The following IP6K1 variants were observed in gnomAD, a reference collection of about 807,000 sequenced individuals.
IP6K1 encodes inositol hexakisphosphate kinase 1, also known as ATP:1D-myo-inositol-hexakisphosphate phosphotransferase.
A neutral mutation model predicts 38.3 loss-of-function variants in IP6K1; 13 were observed. The observed-to-expected ratio is 0.34, with a 90% confidence interval of 0.22 to 0.54. IP6K1 has a LOEUF of 0.54. Among genes scored for constraint, IP6K1 ranks in the 20% least tolerant of loss-of-function variants. The probability of loss-of-function intolerance (pLI) is 0.92; values close to 1 mark genes in which losing one functional copy is unlikely to be tolerated. For missense variants in IP6K1, 397 were observed against 599.8 expected, an observed-to-expected ratio of 0.66 and a Z score of 3.53; for synonymous variants, 212 against 229.9, an observed-to-expected ratio of 0.92 and a Z score of 0.70.
rs2080633778 is a variant in IP6K1 at position 49,738,319 on chromosome 3, T to C, written c.327A>G (p.Glu109=). ...SETVEQDDTT[E]REQPRRKHSR... is the part of the protein sequence containing the mutation. ...AGTGTTTGCGCCGAGGTTGCTCCCG[T>C]TCTGTTGTGTCATCCTGTTCCACAG... Residue 109 remains glutamate, a synonymous_variant, in exon 3 of 6, where the codon GAA becomes GAG. Coordinates refer to ENST00000321599, the MANE Select transcript of IP6K1 (RefSeq NM_153273.4). 1 of 1,614,184 alleles carries C rather than the reference T, an allele frequency of 6.2e-7. No individual in the cohort carries two copies. Among genetic ancestry groups the C allele is most frequent in the Admixed American group, 1.7e-5 (1 of 60,022 alleles).
At chr3:49,782,042 A>G (rs1212778531) in intron 1 of IP6K1, among the ~76,000 whole-genome samples, 2 of 151,988 alleles carry the variant, frequency 1.3e-5, no homozygotes, top group East Asian at 3.9e-4. Context: ...GCAGTGAGCT[A>G]TGATCATGCC....
intron 1 of IP6K1, among the ~76,000 whole-genome samples, chr3:49,762,877 T>C (rs2080879030): frequency 1.3e-5 from 2 of 151,950 alleles, no homozygotes; most frequent in Admixed American, 1.3e-4. Flanking sequence ...GTTCAAGTGA[T>C]TCTCCTGCCT....
chr3:49,775,527 G>A (rs1385735613), intron 1 of IP6K1: 3 of 1,029,312 alleles, frequency 2.9e-6, no homozygotes, highest in African/African-American at 3.2e-5. Context: ...GAAGGATAGA[G>A]ATGGCTGCCC....
chr3:49,754,455 G>A (rs575979907), intron 1 of IP6K1, among the ~76,000 whole-genome samples: 6 of 152,146 alleles, frequency 3.9e-5, no homozygotes, highest in Non-Finnish European at 7.3e-5. Flanking sequence ...AGGCCAAGGT[G>A]GAAGGACTGC....
chr3:49,778,142 G>T (rs371270603), intron 1 of IP6K1, among the ~76,000 whole-genome samples: 33 of 151,568 alleles, frequency 2.2e-4, no homozygotes, highest in African/African-American at 7.7e-4. Context: ...TGGCCAACAT[G>T]GTGAAACCCC....
intron 2 of IP6K1, among the ~76,000 whole-genome samples, chr3:49,745,401 A>G (rs1460802494): frequency 1.3e-5 from 2 of 152,172 alleles, no homozygotes; most frequent in Non-Finnish European, 2.9e-5. Flanking sequence ...GATGTCCTAA[A>G]AACTGGTTCA....
intron 1 of IP6K1, among the ~76,000 whole-genome samples, chr3:49,766,663 TA>T (rs1184706154): frequency 1.5e-3 from 198 of 130,448 alleles, no homozygotes; most frequent in Admixed American, 1.4e-3. Context: ...GACCTCATCT[TA>T]AAAAAAAAAA....
intron 1 of IP6K1, among the ~76,000 whole-genome samples, chr3:49,760,830 A>G (rs1448636716): frequency 2.0e-5 from 3 of 152,140 alleles, no homozygotes; most frequent in Non-Finnish European, 4.4e-5. Context: ...ATGTGAAAAA[A>G]TCAATGCCAC....
intron 2 of IP6K1, among the ~76,000 whole-genome samples, chr3:49,747,481 T>C (rs1349200549): frequency 6.6e-6 from 1 of 152,122 alleles, no homozygotes; most frequent in Non-Finnish European, 1.5e-5. Context: ...CCTGGAAGTA[T>C]CCATTCCGCC....
intron 1 of IP6K1, among the ~76,000 whole-genome samples, chr3:49,760,312 C>T: frequency 6.6e-6 from 1 of 152,166 alleles, no homozygotes; most frequent in Non-Finnish European, 1.5e-5. Flanking sequence ...CCATCAACAA[C>T]TTCCCAACTT....
chr3:49,743,586 G>A (rs1299744125), intron 2 of IP6K1, among the ~76,000 whole-genome samples: 2 of 151,686 alleles, frequency 1.3e-5, no homozygotes, highest in Non-Finnish European at 2.9e-5. Context: ...GGCTGAGGTG[G>A]GAGGATCACT....
At chr3:49,728,439 C>G (rs759031714) in intron 4 of IP6K1, 161 bp from the exon 5 acceptor site, 12 of 619,742 alleles carry the variant, frequency 1.9e-5, no homozygotes, top group Non-Finnish European at 3.4e-5. Context: ...ATTACTTAAC[C>G]AATAAAAACT....
At chr3:49,758,136 C>T (rs1327283347) in intron 1 of IP6K1, among the ~76,000 whole-genome samples, 2 of 151,644 alleles carry the variant, frequency 1.3e-5, no homozygotes, top group Non-Finnish European at 2.9e-5. Context: ...AGTGAAACCC[C>T]GTCTCTACTA....
chr3:49,752,955 T>C (rs2080791605), intron 1 of IP6K1, among the ~76,000 whole-genome samples: 1 of 151,874 alleles, frequency 6.6e-6, no homozygotes, highest in Non-Finnish European at 1.5e-5. Context: ...AGACGGGGTT[T>C]TGTCATGTTG....
At chr3:49,781,281 T>C (rs557369540) in intron 1 of IP6K1, among the ~76,000 whole-genome samples, 1 of 152,346 alleles carries the variant, frequency 6.6e-6, no homozygotes, top group Admixed American at 6.5e-5. Flanking sequence ...TAGGCTGGTC[T>C]CGAACTCCTG....
chr3:49,761,262 C>T (rs1408234046), intron 1 of IP6K1, among the ~76,000 whole-genome samples: 4 of 151,502 alleles, frequency 2.6e-5, no homozygotes, highest in East Asian at 3.9e-4. Context: ...GTGCAGTGAG[C>T]GGAGATCGTG....
chr3:49,774,407 CAA>C (rs777187857), intron 1 of IP6K1, among the ~76,000 whole-genome samples: 1 of 44,302 alleles, frequency 2.3e-5, no homozygotes, highest in Non-Finnish European at 4.7e-5. Flanking sequence ...GACTCCATCT[CAA>C]AAAAAAAAAA....
At chr3:49,762,329 G>A (rs2080874381) in intron 1 of IP6K1, among the ~76,000 whole-genome samples, 1 of 152,162 alleles carries the variant, frequency 6.6e-6, no homozygotes, top group African/African-American at 2.4e-5. Flanking sequence ...GGACCATGAG[G>A]TCAGGAGACT....
chr3:49,773,110 C>A (rs2080973488), intron 1 of IP6K1, among the ~76,000 whole-genome samples: 1 of 152,180 alleles, frequency 6.6e-6, no homozygotes, highest in Non-Finnish European at 1.5e-5. Context: ...CAGGCATGAG[C>A]CATTGCACCT....
Sources: allele counts gnomAD v4.1 joint callset (sites outside exome capture counted in the v4.1 genomes callset), GRCh38; gene constraint gnomAD v4.1.1; transcripts MANE v1.5; gene names NCBI Gene and HGNC (gene_info 2026-07-23, HGNC 2026-07-21).